CLBA1: variants seen among roughly 807,000 people sequenced by gnomAD.
CLBA1 encodes uncharacterized protein CLBA1.
In CLBA1, 30 loss-of-function variants were observed where a neutral mutation model predicts 28.8. The ratio of observed to expected loss-of-function variants is 1.04; its 90% confidence interval spans 0.78 to 1.41. The LOEUF is 1.41. CLBA1 is among the 40% of genes most tolerant of loss of function. The probability of loss-of-function intolerance (pLI) is 0.00; values close to 1 mark genes in which losing one functional copy is unlikely to be tolerated. For synonymous variants in CLBA1, 160 were observed against 152.8 expected (o/e 1.05, Z -0.35); for missense variants, 451 against 412.3 (o/e 1.09, Z -0.81).
At chr14:105,000,703 A>T (rs894676509) in intron 2 of CLBA1, among the ~76,000 whole-genome samples, 1 of 152,174 alleles carries the variant, frequency 6.6e-6, no homozygotes, top group Admixed American at 6.6e-5. Flanking sequence ...AGACTGCAAT[A>T]AGATACCCCC....
chr14:104,996,573 G>A (rs553308342), downstream of CLBA1, among the ~76,000 whole-genome samples: 11 of 152,314 alleles, frequency 7.2e-5, no homozygotes, highest in South Asian at 2.3e-3. Context: ...GACAGTGGGC[G>A]GGAGGCAAGC....
rs780038633 is a variant in CLBA1, at chr14:104,995,371, G to T, written c.*612G>T. Reference sequence around the variant, plus strand: ...TGTCCCTCACGGTTGTGGACAGGAGGTCGCACCACTGGCCTGCGAGAGCCT... The same window carrying T: ...TGTCCCTCACGGTTGTGGACAGGAGTTCGCACCACTGGCCTGCGAGAGCCT... On this transcript the variant is annotated 3_prime_UTR_variant, in exon 5 of 5. Coordinates refer to ENST00000547315, the MANE Select transcript of CLBA1 (RefSeq NM_174891.4). 1.9e-4 allele frequency: 185 copies of T among 985,342 alleles called. No homozygotes were observed. Among genetic ancestry groups the T allele is most frequent in the Non-Finnish European group, 2.1e-4 (172 of 829,970 alleles). The allele number at this position is 985,342 out of a possible 1,614,324, so 61.0% of individuals were successfully genotyped here. A position where few individuals can be genotyped will look rare whatever the true frequency, so the allele number is the denominator to read the frequency against.
chr14:104,992,232 C>T (rs988786401), intron 3 of CLBA1, among the ~76,000 whole-genome samples: 6 of 151,814 alleles, frequency 4.0e-5, no homozygotes, highest in Admixed American at 1.3e-4. Flanking sequence ...GCCACGCACA[C>T]GCCACCAAGC....
At chr14:105,001,042 C>T (rs916059481) in intron 2 of CLBA1, among the ~76,000 whole-genome samples, 14 of 136,956 alleles carry the variant, frequency 1.0e-4, no homozygotes, top group African/African-American at 2.8e-4. Flanking sequence ...GTGGTACATA[C>T]GCACAATGGG....
At chr14:104,989,383 G>A (rs962044580) in intron 2 of CLBA1, 1 of 421,394 alleles carries the variant, frequency 2.4e-6, no homozygotes, top group Non-Finnish European at 4.5e-6. Flanking sequence ...GTGGGTGGGG[G>A]CCTCGCATTC....
At chr14:104,992,841 A>G (rs1900072163) in intron 3 of CLBA1, 107 bp from the exon 4 acceptor site, 1 of 926,222 alleles carries the variant, frequency 1.1e-6, no homozygotes, top group African/African-American at 1.6e-5. Context: ...GGGGCCTGAG[A>G]GAACTTTGCA....
chr14:104,999,110 C>A, downstream of CLBA1: 1 of 623,640 alleles, frequency 1.6e-6, no homozygotes, highest in South Asian at 7.1e-5. Context: ...TGCATTGAGG[C>A]TGACAGCTTT....
downstream of CLBA1, chr14:104,995,518 C>G: frequency 1.0e-6 from 1 of 984,724 alleles, no homozygotes; most frequent in South Asian, 4.7e-5. Context: ...CCTGGATAAG[C>G]CTGTTGTCAC....
chr14:104,995,633 A>G (rs1003732581), downstream of CLBA1: 1 of 347,506 alleles, frequency 2.9e-6, no homozygotes, highest in African/African-American at 2.2e-5. Flanking sequence ...TGCCAAGGCC[A>G]CACAGGGGAC....
chr14:104,991,852 C>T (rs878890240), intron 3 of CLBA1, among the ~76,000 whole-genome samples: 12 of 152,178 alleles, frequency 7.9e-5, no homozygotes, highest in South Asian at 2.1e-4. Flanking sequence ...CTGGAAGGAA[C>T]GGGCCTGAGC....
At chr14:104,993,633 CTTTT>C (rs1836658117) in intron 4 of CLBA1, 1 of 985,384 alleles carries the variant, frequency 1.0e-6, no homozygotes, top group African/African-American at 1.7e-5. Flanking sequence ...GCAGCTCTCT[CTTTT>C]ATCAGGGGGA....
At position 104,995,373 on chromosome 14, in the gene CLBA1, C is replaced by T. The variant is rs115133893; in HGVS notation, c.*614C>T. ...TCCCTCACGGTTGTGGACAGGAGGT[C>T]GCACCACTGGCCTGCGAGAGCCTCT... On this transcript the variant is annotated 3_prime_UTR_variant, in exon 5 of 5. Coordinates refer to ENST00000547315, the MANE Select transcript of CLBA1 (RefSeq NM_174891.4). 2.9e-4 allele frequency: 284 copies of T among 985,386 alleles called. 2 individuals are homozygous for T. In the African/African-American group the frequency reaches 4.5e-3, roughly 15 times the overall value. 61.0% of individuals were successfully genotyped at this position (985,386 alleles called of 1,614,324 possible). A position where few individuals can be genotyped will look rare whatever the true frequency, so the allele number is the denominator to read the frequency against.
rs1555405149 is a variant in CLBA1 at position 104,991,583 on chromosome 14, A to G, written c.662A>G (p.Asn221Ser). 3 of 1,613,484 alleles carry G rather than the reference A, an allele frequency of 1.9e-6. No individual in the cohort carries two copies. The Admixed American group carries it at 5.0e-5, about 27-fold the overall frequency. The part of the protein sequence containing the change: ...RLWSESRCQE[N>S]FFLVLGIDAA... ...TGGAGCGAGTCCCGTTGCCAGGAGA[A>G]CTTCTTTCTTGTTCTCGGAATAGAT... Residue 221 changes from asparagine to serine, a missense_variant, in exon 3 of 5, where the codon AAC becomes AGC. Transcript: ENST00000547315.
Position 104,994,989 on chromosome 14 carries a change from C to A in CLBA1, c.*230C>A. The A allele has an allele frequency of 8.4e-7, 1 of 1,194,972 alleles. No homozygotes were observed. The highest frequency in any genetic ancestry group is 1.0e-6 in the Non-Finnish European group (1 of 961,402). The allele number at this position is 1,194,972 out of a possible 1,614,324, so 74.0% of individuals were successfully genotyped here. A position where few individuals can be genotyped will look rare whatever the true frequency, so the allele number is the denominator to read the frequency against. ...AGACAGAGGTTTCTGGATGCCATGA[C>A]AGGCTGTCGGGGTCCAGGTGGCACT... On this transcript the variant is annotated 3_prime_UTR_variant, in exon 5 of 5. Transcript: ENST00000547315.
chr14:104,989,804 A>G (rs1423460894), intron 2 of CLBA1: 1 of 426,770 alleles, frequency 2.3e-6, no homozygotes, highest in Non-Finnish European at 4.8e-6. Flanking sequence ...TGGGTCTCCC[A>G]GCAGCCAGGG....
At chr14:104,995,694 A>C (rs1364891481), downstream of CLBA1, among the ~76,000 whole-genome samples, 1 of 152,212 alleles carries the variant, frequency 6.6e-6, no homozygotes, top group Non-Finnish European at 1.5e-5. Context: ...AGTGATGGGC[A>C]GGAGTTTCCA....
downstream of CLBA1, among the ~76,000 whole-genome samples, chr14:104,998,361 C>T (rs1446498587): frequency 6.6e-6 from 1 of 151,530 alleles, no homozygotes; most frequent in Non-Finnish European, 1.5e-5. Flanking sequence ...CTGCAGTGAG[C>T]TGTGATCACA....
intron 1 of CLBA1, 132 bp downstream of exon 1, chr14:104,986,986 G>C: frequency 9.1e-7 from 1 of 1,096,718 alleles, no homozygotes; most frequent in East Asian, 2.5e-5. Context: ...TTCTCTCCTG[G>C]CCTTCGTCCC....
In CLBA1 at chr14:104,995,351, C is replaced by G. The variant is rs1271181090; in HGVS notation, c.*592C>G. The G allele has an allele frequency of 4.1e-6, 4 of 985,358 alleles. No homozygotes were observed. The highest frequency in any genetic ancestry group is 4.8e-6 in the Non-Finnish European group (4 of 829,978). 61.0% of individuals were successfully genotyped at this position (985,358 alleles called of 1,614,324 possible). On this transcript the variant is annotated 3_prime_UTR_variant, in exon 5 of 5. Coordinates refer to ENST00000547315, the MANE Select transcript of CLBA1 (RefSeq NM_174891.4). ...CAGCCTCAAGGACAGGCCTTTGTCC[C>G]TCACGGTTGTGGACAGGAGGTCGCA...
Sources: allele counts gnomAD v4.1 joint callset (sites outside exome capture counted in the v4.1 genomes callset), GRCh38; gene constraint gnomAD v4.1.1; transcripts MANE v1.5; gene names NCBI Gene and HGNC (gene_info 2026-07-23, HGNC 2026-07-21).